Variants in CACNB4 observed in about 807,000 individuals in gnomAD.
The protein encoded by CACNB4 is voltage-dependent L-type calcium channel subunit beta-4.
In CACNB4, 32 loss-of-function variants were observed where a neutral mutation model predicts 71.2. The observed-to-expected ratio is 0.45, with a 90% CI of 0.34 to 0.60. CACNB4 has a LOEUF of 0.60. Among genes scored for constraint, CACNB4 ranks in the 20% least tolerant of loss-of-function variants. The pLI is 0.01. For synonymous variants in CACNB4, 231 were observed against 236.9 expected, an observed-to-expected ratio of 0.97 and a Z score of 0.23; for missense variants, 464 against 647.9, an observed-to-expected ratio of 0.72 and a Z score of 3.08.
chr2:151,857,037 G>C (rs2099840494), intron 10 of CACNB4: 1 of 152,100 alleles, frequency 6.6e-6, no homozygotes, highest in South Asian at 2.1e-4. Context: ...AGATGGCCTA[G>C]GGAAAAAGGT....
intron 2 of CACNB4, among the ~76,000 whole-genome samples, chr2:152,086,150 T>C (rs988757387): frequency 5.3e-5 from 8 of 152,260 alleles, no homozygotes; most frequent in Admixed American, 5.2e-4. Context: ...ACATTTCTCT[T>C]ACAATATCGA....
At chr2:151,874,894 CA>C in intron 5 of CACNB4, 1 of 398,786 alleles carries the variant, frequency 2.5e-6, no homozygotes, top group Non-Finnish European at 4.4e-6. Flanking sequence ...ATGCCTACTT[CA>C]GTAGCTCACT....
rs921412654 is a variant in CACNB4 at position 151,833,879 on chromosome 2, T to G, written c.*5240A>C. The G allele has an allele frequency of 2.6e-5, 4 of 152,102 alleles. No individual in the cohort carries two copies. The highest frequency in any genetic ancestry group is 5.9e-5 in the Non-Finnish European group (4 of 67,932). 9.4% of individuals were successfully genotyped at this position (152,102 alleles called of 1,614,324 possible). A position where few individuals can be genotyped will look rare whatever the true frequency, so the allele number is the denominator to read the frequency against. ...ATTATTTTTCTACTGCTAATGCAGA[T>G]TATAAGTAACAACATAGATTTATTT... On this transcript the variant is annotated 3_prime_UTR_variant, in exon 14 of 14. Coordinates refer to ENST00000539935, the MANE Select transcript of CACNB4 (RefSeq NM_000726.5).
chr2:152,020,094 T>C (rs573517161), intron 2 of CACNB4, among the ~76,000 whole-genome samples: 1 of 152,330 alleles, frequency 6.6e-6, no homozygotes, highest in Admixed American at 6.5e-5. Flanking sequence ...CAAATCAATG[T>C]CTCTGGAACC....
intron 2 of CACNB4, among the ~76,000 whole-genome samples, chr2:151,997,978 A>G (rs1481580755): frequency 6.6e-6 from 1 of 152,208 alleles, no homozygotes; most frequent in African/African-American, 2.4e-5. Flanking sequence ...GCACAAATTT[A>G]TCTACAGATC....
chr2:151,952,823 C>T (rs2099867265), intron 2 of CACNB4, among the ~76,000 whole-genome samples: 2 of 152,162 alleles, frequency 1.3e-5, no homozygotes, highest in Non-Finnish European at 2.9e-5. Flanking sequence ...TACTCAAAAA[C>T]ATTTGAAACA....
At chr2:152,031,689 G>A (rs760936751) in intron 2 of CACNB4, among the ~76,000 whole-genome samples, 11 of 152,234 alleles carry the variant, frequency 7.2e-5, no homozygotes, top group African/African-American at 1.7e-4. Context: ...ATTAATCCTC[G>A]GATTTCAGAG....
chr2:152,067,967 T>C (rs12693235), intron 2 of CACNB4, among the ~76,000 whole-genome samples: 47,542 of 152,094 alleles, frequency 0.31, 8,719 homozygotes, highest in African/African-American at 0.5. Flanking sequence ...CATTAACTAT[T>C]AACTCAAAGA....
At chr2:151,920,729 C>A (rs1239098394) in intron 2 of CACNB4, among the ~76,000 whole-genome samples, 1 of 152,046 alleles carries the variant, frequency 6.6e-6, no homozygotes, top group African/African-American at 2.4e-5. Flanking sequence ...AAACATGCAA[C>A]CATATTTTGT....
At chr2:151,875,511 C>T (rs1362507575) in intron 5 of CACNB4, among the ~76,000 whole-genome samples, 1 of 151,912 alleles carries the variant, frequency 6.6e-6, no homozygotes, top group East Asian at 1.9e-4. Flanking sequence ...CTGTTGGGTA[C>T]ACCTCCCAGA....
chr2:151,921,005 G>A lies in CACNB4; in HGVS notation c.148-37635C>T, dbSNP rs2099858855. On this transcript the variant is annotated intron_variant, in intron 2 of 13. Coordinates refer to ENST00000539935, the MANE Select transcript of CACNB4 (RefSeq NM_000726.5). ...TACAAAAAGAAATTAGCTGGGCATG[G>A]TGGTGGGCACCTGTAGTCCCAGCTA... Among the ~76,000 whole-genome samples, 4 of 152,034 alleles carry A rather than the reference G, an allele frequency of 2.6e-5. No individual in the cohort carries two copies. The South Asian group carries it at 8.3e-4, about 32-fold the overall frequency.
Position 152,098,570 on chromosome 2 carries a change from AC to A in CACNB4, c.64-158del, listed in dbSNP as rs1346632077. On this transcript the variant is annotated intron_variant, in intron 1 of 13. Transcript: ENST00000539935. This position sits in a 1 kb window ranked among gnomAD's most constrained non-coding sequence, Gnocchi z 5.3. ...TCCGCGACTCCCAAATACAGCCCCC[AC>A]CCCCACCCACCCACTGCAAGCCTCG... is the stretch of plus-strand genomic sequence containing the variant. The A allele has an allele frequency of 7.0e-5, 29 of 412,938 alleles. No homozygotes were observed. Among genetic ancestry groups the A allele is most frequent in the Non-Finnish European group, 1.3e-4 (27 of 215,508 alleles). 25.6% of individuals were successfully genotyped at this position (412,938 alleles called of 1,614,324 possible).
At chr2:152,014,358 CAA>C (rs202195712) in intron 2 of CACNB4, among the ~76,000 whole-genome samples, 84 of 149,640 alleles carry the variant, frequency 5.6e-4, no homozygotes, top group Non-Finnish European at 3.0e-5. Flanking sequence ...AAAACAAAAA[CAA>C]AAGAGTCATT....
chr2:151,978,711 C>A (rs1423222878), intron 2 of CACNB4, among the ~76,000 whole-genome samples: 4 of 152,208 alleles, frequency 2.6e-5, no homozygotes, highest in African/African-American at 4.8e-5. Context: ...TGGGTTCTGG[C>A]CTAAAGCCCT....
chr2:151,886,586 T>C (rs892103761), intron 2 of CACNB4, among the ~76,000 whole-genome samples: 1 of 152,202 alleles, frequency 6.6e-6, no homozygotes, highest in African/African-American at 2.4e-5. Flanking sequence ...GAAGTTCCTG[T>C]TTACTCCCTG....
At chr2:151,885,968 A>G (rs1001787547) in intron 2 of CACNB4, among the ~76,000 whole-genome samples, 4 of 152,056 alleles carry the variant, frequency 2.6e-5, no homozygotes, top group Admixed American at 2.0e-4. Context: ...CAATGTTTCA[A>G]TTTTTATTCA....
intron 2 of CACNB4, among the ~76,000 whole-genome samples, chr2:152,020,373 C>T (rs1341436743): frequency 6.6e-6 from 1 of 152,154 alleles, no homozygotes; most frequent in Non-Finnish European, 1.5e-5. Context: ...TAAAGGCTTC[C>T]AATTTGGCAA....
At chr2:152,056,747 G>A (rs1685750856) in intron 2 of CACNB4, among the ~76,000 whole-genome samples, 1 of 152,152 alleles carries the variant, frequency 6.6e-6, no homozygotes, top group African/African-American at 2.4e-5. Context: ...CACATCCTGT[G>A]GAAAATTTAG....
At chr2:151,853,727 T>C (rs936304471) in intron 11 of CACNB4, 184 bp from the exon 12 acceptor site, 8 of 483,340 alleles carry the variant, frequency 1.7e-5, no homozygotes, top group African/African-American at 1.6e-4. Flanking sequence ...GTTCCATGGA[T>C]TTGATATGTT....
Sources: gnomAD v4.1 joint callset for allele counts (sites outside exome capture counted in the v4.1 genomes callset) on GRCh38, gnomAD v4.1.1 for gene constraint, Gnocchi (gnomAD v3.1) non-coding constraint, MANE v1.5 for transcripts, NCBI Gene and HGNC (gene_info 2026-07-23, HGNC 2026-07-21) for gene names.